The following PCLO variants were observed in gnomAD, a reference collection of about 807,000 sequenced individuals.
The protein encoded by PCLO is piccolo presynaptic cytomatrix protein, also known as protein piccolo.
PCLO carries 82 observed loss-of-function variants against 427.5 expected under a neutral mutation model. The ratio of observed to expected loss-of-function variants is 0.19; its 90% CI spans 0.16 to 0.23. The LOEUF is 0.23. Ranked by LOEUF, PCLO falls within the 10% of genes least tolerant of loss-of-function variation. The pLI is 1.00. For missense variants in PCLO, 6,239 were observed against 6,115.9 expected (o/e 1.02, Z -0.67); for synonymous variants, 2,357 against 2,155.4 (o/e 1.09, Z -2.59).
chr7:83,057,493 C>T (rs1481866667), intron 3 of PCLO, among the ~76,000 whole-genome samples: 1 of 147,824 alleles, frequency 6.8e-6, no homozygotes, highest in Non-Finnish European at 1.5e-5. Flanking sequence ...TCCCAAGTAG[C>T]TGGGACTGCA....
intron 2 of PCLO, among the ~76,000 whole-genome samples, chr7:83,153,643 T>C (rs535902813): frequency 3.3e-5 from 5 of 152,300 alleles, no homozygotes; most frequent in Admixed American, 2.6e-4. Context: ...GGCTAAATGA[T>C]TTCTGTGCCT....
chr7:82,908,479 C>G (rs747503329), intron 8 of PCLO, among the ~76,000 whole-genome samples: 2 of 152,082 alleles, frequency 1.3e-5, no homozygotes, highest in Non-Finnish European at 2.9e-5. Flanking sequence ...CCAGCTCACT[C>G]GGTTTGGCCA....
intron 6 of PCLO, among the ~76,000 whole-genome samples, chr7:82,936,235 T>C (rs1794951730): frequency 6.6e-6 from 1 of 151,510 alleles, no homozygotes; most frequent in Non-Finnish European, 1.5e-5. Context: ...TTGACCACAA[T>C]AGAATGAAGG....
chr7:83,008,988 C>T (rs1008115740), intron 3 of PCLO, among the ~76,000 whole-genome samples: 1 of 151,080 alleles, frequency 6.6e-6, no homozygotes, highest in African/African-American at 2.4e-5. Context: ...TATATAAAGG[C>T]CAAAAAAAAG....
chr7:82,800,874 C>T (rs778466645), intron 22 of PCLO, among the ~76,000 whole-genome samples: 9 of 151,944 alleles, frequency 5.9e-5, no homozygotes, highest in Non-Finnish European at 1.0e-4. Flanking sequence ...CGTGAGCCAC[C>T]GTGCCCAGCC....
At chr7:82,887,179 G>A (rs980492993) in intron 9 of PCLO, among the ~76,000 whole-genome samples, 1 of 152,054 alleles carries the variant, frequency 6.6e-6, no homozygotes, top group African/African-American at 2.4e-5. Flanking sequence ...TTACAACAAA[G>A]CAGCTGAGAC....
intron 3 of PCLO, among the ~76,000 whole-genome samples, chr7:82,976,161 G>C (rs977412639): frequency 3.3e-5 from 5 of 152,136 alleles, no homozygotes; most frequent in African/African-American, 1.2e-4. Context: ...GGTTACCCAT[G>C]TTGTCAATTA....
chr7:83,020,856 A>T (rs1168476353), intron 3 of PCLO, among the ~76,000 whole-genome samples: 3 of 152,182 alleles, frequency 2.0e-5, no homozygotes, highest in African/African-American at 7.2e-5. Flanking sequence ...ATTAATCATT[A>T]GGTCAGCTTG....
intron 3 of PCLO, among the ~76,000 whole-genome samples, chr7:83,022,143 G>GTGCCATATT (rs1477878438): frequency 5.3e-5 from 8 of 152,086 alleles, no homozygotes; most frequent in Non-Finnish European, 8.8e-5. Context: ...CCATATGAAA[G>GTGCCATATT]AGGCCTGAAG....
chr7:82,780,229 T>C (rs1452613803), intron 22 of PCLO, among the ~76,000 whole-genome samples: 1 of 152,202 alleles, frequency 6.6e-6, no homozygotes, highest in African/African-American at 2.4e-5. Flanking sequence ...TCAGGCCTCT[T>C]ATTAAATGAG....
intron 9 of PCLO, among the ~76,000 whole-genome samples, chr7:82,891,311 G>C (rs1793759663): frequency 6.6e-6 from 1 of 152,054 alleles, no homozygotes; most frequent in African/African-American, 2.4e-5. Flanking sequence ...TTACCACTGA[G>C]TAGCAATGAA....
intron 22 of PCLO, 78 bp downstream of exon 22, chr7:82,801,440 T>A: frequency 1.3e-6 from 1 of 776,328 alleles, no homozygotes; most frequent in South Asian, 1.5e-5. Flanking sequence ...AAATTCATGT[T>A]AAAAGAAAAA....
In PCLO at chr7:83,155,987, C is replaced by A. The variant is rs1361089909; in HGVS notation, c.654G>T (p.Pro218=). ...KPPLQQQPPK[P]IPKQQGPGRD... ...TACCAGGTCCTTGCTGCTTAGGAATCGGCTTGGGTGGCTGTTGTTGTAAAG... is the reference window on the plus strand; with the variant it reads ...TACCAGGTCCTTGCTGCTTAGGAATAGGCTTGGGTGGCTGTTGTTGTAAAG... The change falls in exon 2 of 25, where the codon CCG becomes CCT. Residue 218 remains proline (P), a synonymous_variant. Coordinates refer to ENST00000333891, the MANE Select transcript of PCLO (RefSeq NM_033026.6). The A allele has an allele frequency of 1.9e-6, 3 of 1,613,384 alleles. No individual in the cohort carries two copies. Among genetic ancestry groups the A allele is most frequent in the East Asian group, 2.2e-5 (1 of 44,842 alleles).
chr7:82,877,032 T>C (rs545758777), intron 10 of PCLO, among the ~76,000 whole-genome samples: 13 of 152,284 alleles, frequency 8.5e-5, no homozygotes, highest in Middle Eastern at 3.4e-3. Context: ...AAAATATTAG[T>C]TCCGAAATAA....
intron 22 of PCLO, among the ~76,000 whole-genome samples, chr7:82,772,708 G>A (rs1790672047): frequency 6.6e-6 from 1 of 151,522 alleles, no homozygotes; most frequent in South Asian, 2.1e-4. Flanking sequence ...TTAAGCAGAA[G>A]AAAAGTTTTT....
Position 82,916,146 on chromosome 7 carries a change from T to C in PCLO, c.11840A>G (p.Gln3947Arg). The stretch of plus-strand genomic sequence containing the variant: ...CTGTGAAGGTAACTGATAAGAAGGC[T>C]GTGGGGTTGGTGTAGGTTGAACTTG... ...TPQVQPTPTP[Q>R]PSYQLPSQMM... Residue 3947 changes from glutamine (Q) to arginine (R), a missense_variant, in exon 7 of 25, where the codon CAG becomes CGG. This residue lies in a region of PCLO where 680 missense variants were observed against 677.3 expected (regional missense o/e 1.00). Transcript: ENST00000333891. The C allele has an allele frequency of 6.2e-7, 1 of 1,613,620 alleles. No homozygotes were observed. Among genetic ancestry groups the C allele is most frequent in the Non-Finnish European group, 8.5e-7 (1 of 1,179,720 alleles).
intron 3 of PCLO, among the ~76,000 whole-genome samples, chr7:83,028,663 C>A (rs1788572477): frequency 1.3e-5 from 2 of 149,942 alleles, no homozygotes; most frequent in Non-Finnish European, 3.0e-5. Context: ...AATCCTAAGC[C>A]AAAAGAACAA....
At chr7:82,984,239 A>T (rs1176250124) in intron 3 of PCLO, among the ~76,000 whole-genome samples, 5 of 152,036 alleles carry the variant, frequency 3.3e-5, no homozygotes, top group Non-Finnish European at 7.4e-5. Context: ...ACCTACTTTT[A>T]TGGTACCCTT....
intron 7 of PCLO, among the ~76,000 whole-genome samples, chr7:82,911,494 ATAAGTTAT>A (rs1794319634): frequency 6.6e-6 from 1 of 152,104 alleles, no homozygotes; most frequent in South Asian, 2.1e-4. Flanking sequence ...TAAAATACAA[ATAAGTTAT>A]TTCTGGATCT....
Sources: gnomAD v4.1 joint callset for allele counts (sites outside exome capture counted in the v4.1 genomes callset) on GRCh38, gnomAD v4.1.1 for gene constraint, gnomAD v4.1.1 regional missense constraint, MANE v1.5 for transcripts, NCBI Gene and HGNC (gene_info 2026-07-23, HGNC 2026-07-21) for gene names.